TENM4: variants seen among roughly 807,000 people sequenced by gnomAD.
The protein encoded by TENM4 is teneurin-4.
In TENM4, 82 loss-of-function variants were observed where a neutral mutation model predicts 243.3. The observed-to-expected ratio is 0.34, with a 90% confidence interval of 0.28 to 0.40. The LOEUF (loss-of-function observed/expected upper bound fraction) is 0.40. TENM4 is among the 10% of genes least tolerant of loss of function. The probability of loss-of-function intolerance (pLI) is 1.00; values close to 1 mark genes in which losing one functional copy is unlikely to be tolerated. For synonymous variants in TENM4, 1,412 were observed against 1,456.3 expected (o/e 0.97, Z 0.69); for missense variants, 3,138 against 3,673.3 (o/e 0.85, Z 3.77).
chr11:79,261,121 G>GA (rs1296050704), intron 2 of TENM4, among the ~76,000 whole-genome samples: 1 of 152,222 alleles, frequency 6.6e-6, no homozygotes, highest in Non-Finnish European at 1.5e-5. Context: ...GTTGGAGAGG[G>GA]AGGCTGTCTA....
intron 2 of TENM4, among the ~76,000 whole-genome samples, chr11:79,275,912 G>A (rs899012493): frequency 1.3e-5 from 2 of 152,226 alleles, no homozygotes; most frequent in African/African-American, 4.8e-5. Context: ...ATCAGACCAT[G>A]AATAAATCAA....
intron 4 of TENM4, among the ~76,000 whole-genome samples, chr11:79,071,874 C>T (rs1008965034): frequency 1.3e-5 from 2 of 152,188 alleles, no homozygotes; most frequent in East Asian, 1.9e-4. Context: ...ACTACATAGA[C>T]TGCAATGCCT....
chr11:79,196,092 C>A (rs560277055), intron 3 of TENM4, among the ~76,000 whole-genome samples: 2 of 152,136 alleles, frequency 1.3e-5, no homozygotes, highest in Non-Finnish European at 2.9e-5. Flanking sequence ...GTTAGAAGTG[C>A]CTTTCGCCTC....
At position 79,141,824 on chromosome 11, in the gene TENM4, T is replaced by C. The variant is rs116891190; in HGVS notation, c.-66+6886A>G. On this transcript the variant is annotated intron_variant, in intron 4 of 33. Transcript: ENST00000278550. The stretch of plus-strand genomic sequence containing the variant: ...TAACCAAGTGGAATTTATTCCCAGA[T>C]GCAAGGATGGTTCAACATACAAAAA... 5.1e-3 allele frequency among the ~76,000 whole-genome samples: 769 copies of C among 152,230 alleles called. 9 individuals carry two copies. Among genetic ancestry groups the C allele is most frequent in the Non-Finnish European group, 6.3e-3 (425 of 67,994 alleles).
chr11:79,435,466 G>A (rs1357636054), intron 1 of TENM4, among the ~76,000 whole-genome samples: 2 of 152,170 alleles, frequency 1.3e-5, no homozygotes, highest in African/African-American at 2.4e-5. Context: ...GATAGACCAT[G>A]TAAGAAGGCA....
At chr11:79,396,622 AG>A (rs1858350724) in intron 1 of TENM4, among the ~76,000 whole-genome samples, 1 of 152,206 alleles carries the variant, frequency 6.6e-6, no homozygotes, top group African/African-American at 2.4e-5. Flanking sequence ...CATAATTGGG[AG>A]GCCGGCAAAG....
At chr11:78,767,876 G>A (rs886132701) in intron 18 of TENM4, among the ~76,000 whole-genome samples, 1 of 152,214 alleles carries the variant, frequency 6.6e-6, no homozygotes, top group Non-Finnish European at 1.5e-5. Context: ...ATGACTGTGA[G>A]CTTCTTGAGG....
rs1389032659 is a variant in TENM4 at position 78,813,750 on chromosome 11, TGGCAGTGTCTAAATATCA to T, written c.1783+526_1783+543del. On this transcript the variant is annotated intron_variant, in intron 13 of 33. Transcript: ENST00000278550. ...TCTCCACAATGTTTATCATGGGCAC[TGGCAGTGTCTAAATATCA>T]GGCACCATTAGGGTCCTCTGTGGAA... is the stretch of plus-strand genomic sequence containing the variant. 2.0e-5 allele frequency among the ~76,000 whole-genome samples: 3 copies of T among 152,296 alleles called. No individual in the cohort carries two copies. The East Asian group carries it at 5.8e-4, about 29-fold the overall frequency.
chr11:79,375,243 C>T (rs977936904), intron 1 of TENM4, among the ~76,000 whole-genome samples: 1 of 152,100 alleles, frequency 6.6e-6, no homozygotes, highest in Admixed American at 6.5e-5. Context: ...GCAGATGGCT[C>T]AAAGGAGCCT....
At chr11:79,173,871 T>A (rs1863103329) in intron 3 of TENM4, among the ~76,000 whole-genome samples, 1 of 152,174 alleles carries the variant, frequency 6.6e-6, no homozygotes, top group Admixed American at 6.5e-5. Context: ...AAGAATGTCT[T>A]CAGGAATGAA....
intron 19 of TENM4, among the ~76,000 whole-genome samples, chr11:78,748,390 G>A (rs1856099909): frequency 6.6e-6 from 1 of 152,224 alleles, no homozygotes; most frequent in Admixed American, 6.5e-5. Context: ...GAGGCTGAGA[G>A]TCCAACCTCT....
At chr11:78,844,062 C>G (rs919508978) in intron 12 of TENM4, among the ~76,000 whole-genome samples, 1 of 152,166 alleles carries the variant, frequency 6.6e-6, no homozygotes, top group African/African-American at 2.4e-5. Context: ...TTCGAAGACT[C>G]GGCTTTATGT....
intron 16 of TENM4, among the ~76,000 whole-genome samples, chr11:78,783,789 C>T (rs1856882843): frequency 6.6e-6 from 1 of 152,174 alleles, no homozygotes; most frequent in African/African-American, 2.4e-5. Flanking sequence ...AATCATGTAG[C>T]TTCCATGAAA....
intron 2 of TENM4, among the ~76,000 whole-genome samples, chr11:79,295,204 T>C (rs141998542): frequency 4.7e-4 from 72 of 152,308 alleles, no homozygotes; most frequent in African/African-American, 1.7e-3. Context: ...ATAAGCCTGT[T>C]GCTAAGCCTA....
chr11:79,272,331 G>T (rs1263655337), intron 2 of TENM4, among the ~76,000 whole-genome samples: 1 of 151,848 alleles, frequency 6.6e-6, no homozygotes, highest in Non-Finnish European at 1.5e-5. Flanking sequence ...TTTTCTAGTA[G>T]CCACATTTAA....
intron 9 of TENM4, among the ~76,000 whole-genome samples, chr11:78,864,856 G>A (rs1459559341): frequency 6.6e-6 from 1 of 152,206 alleles, no homozygotes; most frequent in Non-Finnish European, 1.5e-5. Context: ...TTGCTTCAGT[G>A]AGCTCACAGC....
intron 7 of TENM4, among the ~76,000 whole-genome samples, chr11:78,896,325 A>G (rs1454625940): frequency 6.6e-6 from 1 of 152,098 alleles, no homozygotes; most frequent in Non-Finnish European, 1.5e-5. Flanking sequence ...GACCACACAG[A>G]GTTAGTGATG....
intron 19 of TENM4, among the ~76,000 whole-genome samples, chr11:78,743,562 G>C (rs977992781): frequency 1.1e-4 from 16 of 152,292 alleles, no homozygotes; most frequent in African/African-American, 3.4e-4. Context: ...GATATGGTTA[G>C]AGAACCTAGG....
intron 2 of TENM4, among the ~76,000 whole-genome samples, chr11:79,216,578 T>A (rs60432566): frequency 0.036 from 5,520 of 152,328 alleles, 106 homozygotes; most frequent in African/African-American, 0.041. Flanking sequence ...GTGATGGCTC[T>A]GCCTTGATGA....
Sources: gnomAD v4.1 joint callset for allele counts (sites outside exome capture counted in the v4.1 genomes callset) on GRCh38, gnomAD v4.1.1 for gene constraint, MANE v1.5 for transcripts, NCBI Gene and HGNC (gene_info 2026-07-23, HGNC 2026-07-21) for gene names.